C19orf47: variants seen among roughly 807,000 people sequenced by gnomAD.
C19orf47 encodes the protein chromosome 19 open reading frame 47.
In C19orf47, 18 loss-of-function variants were observed where a neutral mutation model predicts 32.3. The observed-to-expected ratio is 0.56, with a 90% CI of 0.39 to 0.83. The LOEUF is 0.83. C19orf47 is among the 40% of genes least tolerant of loss of function. The pLI, the probability that C19orf47 is intolerant of heterozygous loss-of-function variation, is 0.00. For missense variants in C19orf47, 484 were observed against 531.6 expected, an observed-to-expected ratio of 0.91 and a Z score of 0.88; for synonymous variants, 202 against 211.1, an observed-to-expected ratio of 0.96 and a Z score of 0.37.
intron 8 of C19orf47, among the ~76,000 whole-genome samples, chr19:40,323,536 T>C (rs774230675): frequency 6.6e-6 from 1 of 152,140 alleles, no homozygotes; most frequent in African/African-American, 2.4e-5. Flanking sequence ...GGACGGGCCC[T>C]GTCCTGTGGG....
At chr19:40,318,658 C>T (rs8112998), downstream of C19orf47, among the ~76,000 whole-genome samples, 29,232 of 152,074 alleles carry the variant, frequency 0.19, 3,269 homozygotes, top group African/African-American at 0.3. Flanking sequence ...AGGGGCGGCC[C>T]CTGGAATCTG....
At chr19:40,325,506 T>TAGTC (rs1429138863) in intron 7 of C19orf47, among the ~76,000 whole-genome samples, 2 of 152,034 alleles carry the variant, frequency 1.3e-5, no homozygotes, top group Admixed American at 1.3e-4. Flanking sequence ...CATGAGCCTG[T>TAGTC]AGTCCCAGCT....
chr19:40,337,288 A>AATTATTATTATTATTATTATT (rs57061818), intron 2 of C19orf47, among the ~76,000 whole-genome samples: 10 of 143,216 alleles, frequency 7.0e-5, no homozygotes, highest in East Asian at 2.0e-4. Context: ...CCATGACAGC[A>AATTATTATTATTATTATTATT]ATTATTATTA....
the C19orf47 span, among the ~76,000 whole-genome samples, chr19:40,300,720 G>T: frequency 6.6e-6 from 1 of 152,048 alleles, no homozygotes; most frequent in Non-Finnish European, 1.5e-5. Flanking sequence ...ATCAGCTATT[G>T]CCCCAAATTG....
chr19:40,304,361 C>T, the C19orf47 span, among the ~76,000 whole-genome samples: 4 of 152,096 alleles, frequency 2.6e-5, no homozygotes, highest in East Asian at 1.9e-4. Context: ...TACCTAAACA[C>T]GGATCCTCCA....
intron 4 of C19orf47, among the ~76,000 whole-genome samples, chr19:40,335,100 A>G (rs1251731858): frequency 6.6e-6 from 1 of 151,754 alleles, no homozygotes; most frequent in African/African-American, 2.4e-5. Context: ...GGCCACAGCA[A>G]GTGCTTGGTA....
downstream of C19orf47, among the ~76,000 whole-genome samples, chr19:40,315,422 C>T (rs1249440157): frequency 1.3e-5 from 2 of 151,784 alleles, no homozygotes; most frequent in Non-Finnish European, 2.9e-5. Flanking sequence ...GAGGTGAGTA[C>T]ATCGCTTGAG....
chr19:40,312,050 T>C, the C19orf47 span, among the ~76,000 whole-genome samples: 1 of 152,232 alleles, frequency 6.6e-6, no homozygotes, highest in Non-Finnish European at 1.5e-5. Context: ...CCACATCCAA[T>C]ATGTAAAACA....
chr19:40,295,573 T>C, the C19orf47 span, among the ~76,000 whole-genome samples: 1 of 151,894 alleles, frequency 6.6e-6, no homozygotes, highest in Admixed American at 6.6e-5. Flanking sequence ...GTAGCTGACA[T>C]TACAGGCGCC....
chr19:40,318,859 TAACTGAAA>T (rs374525915), downstream of C19orf47, among the ~76,000 whole-genome samples: 194 of 152,278 alleles, frequency 1.3e-3, no homozygotes, highest in African/African-American at 4.4e-3. Context: ...CAATATGACG[TAACTGAAA>T]AACTGAAAAT....
At chr19:40,301,435 G>A in the C19orf47 span, among the ~76,000 whole-genome samples, 1 of 150,088 alleles carries the variant, frequency 6.7e-6, no homozygotes, top group Non-Finnish European at 1.5e-5. Context: ...CCGCCTCCCA[G>A]GTTCAAGAGA....
At chr19:40,294,052 G>A in the C19orf47 span, among the ~76,000 whole-genome samples, 4 of 152,106 alleles carry the variant, frequency 2.6e-5, no homozygotes, top group African/African-American at 4.8e-5. Context: ...CCTGTGAGGC[G>A]GAGGTTGCAG....
intron 5 of C19orf47, among the ~76,000 whole-genome samples, chr19:40,329,482 G>A (rs958107208): frequency 4.6e-5 from 7 of 152,110 alleles, no homozygotes; most frequent in Non-Finnish European, 8.8e-5. Flanking sequence ...CTCCAGCCTG[G>A]GCAACAGAGT....
At position 40,321,820 on chromosome 19, in the gene C19orf47, G is replaced by A; in HGVS notation, c.*62C>T. The A allele has an allele frequency of 6.8e-7, 1 of 1,460,760 alleles. No individual in the cohort carries two copies. Among genetic ancestry groups the A allele is most frequent in the South Asian group, 1.4e-5 (1 of 69,428 alleles). The allele number at this position is 1,460,760 out of a possible 1,614,324, so 90.5% of individuals were successfully genotyped here. A position where few individuals can be genotyped will look rare whatever the true frequency, so the allele number is the denominator to read the frequency against. ...GGTGGGAGGCGTGATGAAGCCAGGA[G>A]CCTGGGGCGGCCAGGGCAGATGCCC... On this transcript the variant is annotated 3_prime_UTR_variant, in exon 9 of 9. Coordinates refer to ENST00000683109, the MANE Select transcript of C19orf47 (RefSeq NM_001256441.2).
intron 2 of C19orf47, among the ~76,000 whole-genome samples, chr19:40,340,975 C>CAA (rs34578402): frequency 9.4e-4 from 97 of 102,836 alleles, no homozygotes; most frequent in South Asian, 3.7e-3. Context: ...GAGCCTGTCT[C>CAA]AAAAAAAAAA....
intron 5 of C19orf47, among the ~76,000 whole-genome samples, chr19:40,329,533 C>G (rs1461817653): frequency 1.3e-5 from 2 of 151,918 alleles, no homozygotes; most frequent in Non-Finnish European, 2.9e-5. Context: ...AGAAAGAAAA[C>G]TACATTAAAC....
Position 40,322,392 on chromosome 19 carries a change from A to G in C19orf47, c.664-16T>C. 6.4e-7 allele frequency: 1 copy of G among 1,552,716 alleles called. No homozygotes were observed. Among genetic ancestry groups the G allele is most frequent in the Non-Finnish European group, 8.7e-7 (1 of 1,147,756 alleles). ...CTCCTGTGGGCTGTGGAGGTCAGAG[A>G]CAGGATGAATGAGTCACTGAGTCAC... is the stretch of plus-strand genomic sequence containing the variant. On this transcript the variant is annotated splice_polypyrimidine_tract_variant and intron_variant, in intron 8 of 8. Transcript: ENST00000683109.
At chr19:40,339,493 G>A (rs367660822) in intron 2 of C19orf47, among the ~76,000 whole-genome samples, 53 of 152,210 alleles carry the variant, frequency 3.5e-4, no homozygotes, top group African/African-American at 1.2e-3. Context: ...ATAAACACAC[G>A]GTGGTCACTC....
At chr19:40,327,594 G>A (rs978502984) in intron 6 of C19orf47, among the ~76,000 whole-genome samples, 1 of 152,268 alleles carries the variant, frequency 6.6e-6, no homozygotes, top group African/African-American at 2.4e-5. Flanking sequence ...AACATGAAGC[G>A]CCCTGGGCCT....
Sources: gnomAD v4.1 joint callset for allele counts (sites outside exome capture counted in the v4.1 genomes callset) on GRCh38, gnomAD v4.1.1 for gene constraint, MANE v1.5 for transcripts, NCBI Gene and HGNC (gene_info 2026-07-23, HGNC 2026-07-21) for gene names.